The following TWF1 variants were observed in gnomAD, a reference collection of about 807,000 sequenced individuals.
TWF1 encodes twinfilin actin binding protein 1.
A neutral mutation model predicts 47.9 loss-of-function variants in TWF1; 14 were observed. That is an observed-to-expected ratio of 0.29 (90% CI 0.19 to 0.46). TWF1 has a LOEUF of 0.46. Among genes scored for constraint, TWF1 ranks in the 20% least tolerant of loss-of-function variants. The pLI, the probability that TWF1 is intolerant of heterozygous loss-of-function variation, is 1.00. For synonymous variants in TWF1, 96 were observed against 139.2 expected (o/e 0.69, Z 2.18); for missense variants, 281 against 409.3 (o/e 0.69, Z 2.70).
Position 43,797,310 on chromosome 12 carries a change from T to A in TWF1, c.752A>T (p.Glu251Val). 6.3e-7 allele frequency: 1 copy of A among 1,591,778 alleles called. No individual in the cohort carries two copies. The highest frequency in any genetic ancestry group is 8.5e-7 in the Non-Finnish European group (1 of 1,172,024). ...AACAATGTATCATATACCTATGGAC[T>A]CTAAATAGTCTCCTTCATGGGAATG... ...YKHSHEGDYL[E>V]SIVFIYSMPG... is the part of the protein sequence containing the mutation. The change falls in exon 7 of 9, where the codon GAG becomes GTG. Residue 251 changes from glutamate to valine, a missense_variant. Glu to Val is a moderately radical substitution (Grantham distance 121, BLOSUM62 -2). Transcript: ENST00000395510.
At position 43,801,952 on chromosome 12, in the gene TWF1, C is replaced by A. The variant is rs1479849764; in HGVS notation, c.282+334G>T. Among the ~76,000 whole-genome samples the A allele has an allele frequency of 2.0e-5, 3 of 152,144 alleles. No individual in the cohort carries two copies. In the East Asian group the frequency reaches 5.8e-4, roughly 29 times the overall value. ...GGCTGAGGTGGGAAAATCACTTGAG[C>A]CTGGGAGGCAGAGGTTGCAGTGAGC... is the stretch of plus-strand genomic sequence containing the variant. On this transcript the variant is annotated intron_variant, in intron 3 of 8. Transcript: ENST00000395510.
Position 43,795,711 on chromosome 12 carries a change from A to G in TWF1, c.927T>C (p.Tyr309=). The G allele has an allele frequency of 6.2e-7, 1 of 1,613,940 alleles. No individual in the cohort carries two copies. The part of the protein sequence containing the change: ...NGDELTADFL[Y]EEVHPKQHAH... ...CATGCTGCTTGGGATGTACTTCTTC[A>G]TAAAGGAAGTCTGCAGTCAACTCAT... Residue 309 remains tyrosine (Y), a synonymous_variant, in exon 9 of 9, where the codon TAT becomes TAC. Transcript: ENST00000395510.
chr12:43,800,392 C>T lies in TWF1; in HGVS notation c.378+43G>A, dbSNP rs1227877019. 3 of 1,466,054 alleles carry T rather than the reference C, an allele frequency of 2.0e-6. No individual in the cohort carries two copies. The Admixed American group carries it at 5.5e-5, about 27-fold the overall frequency. The allele number at this position is 1,466,054 out of a possible 1,614,324, so 90.8% of individuals were successfully genotyped here. ...CATTACCTAGGAGTTCCTCTTTAAT[C>T]ATTTTAATTGCAACATATAGAATCC... On this transcript the variant is annotated intron_variant, in intron 4 of 8. Transcript: ENST00000395510.
chr12:43,800,067 TC>T (rs937978477), intron 4 of TWF1, among the ~76,000 whole-genome samples: 14 of 152,214 alleles, frequency 9.2e-5, no homozygotes, highest in African/African-American at 3.4e-4. Flanking sequence ...TCCCATCTAG[TC>T]TTGTGCTCTA....
intron 1 of TWF1, chr12:43,805,996 G>T: frequency 1.3e-6 from 2 of 1,533,752 alleles, no homozygotes; most frequent in Non-Finnish European, 1.7e-6. Context: ...CCGAATTTCG[G>T]ATCAATCTGC....
At chr12:43,798,448 G>A (rs775675336) in intron 5 of TWF1, 24 of 925,986 alleles carry the variant, frequency 2.6e-5, no homozygotes, top group African/African-American at 3.4e-5. Context: ...AGTCTCATTC[G>A]CAGTGTTGCA....
At position 43,798,690 on chromosome 12, in the gene TWF1, T is replaced by G. The variant is rs572793411; in HGVS notation, c.483+708A>C. On this transcript the variant is annotated intron_variant, in intron 5 of 8. Transcript: ENST00000395510. ...TGAATTAAAATAATATGATAGATCC[T>G]TGCTACCAGTTTAATATTAAATGAT... 1.6e-5 allele frequency: 19 copies of G among 1,205,952 alleles called. 1 individual carries two copies. The African/African-American group carries it at 2.5e-4, about 16-fold the overall frequency. 74.7% of individuals were successfully genotyped at this position (1,205,952 alleles called of 1,614,324 possible).
intron 2 of TWF1, 62 bp from the exon 3 acceptor site, chr12:43,802,526 TG>T: frequency 8.3e-7 from 1 of 1,207,866 alleles, no homozygotes; most frequent in Non-Finnish European, 1.2e-6. Flanking sequence ...GGTAGTGTGA[TG>T]AAGACTAGAA....
At position 43,794,378 on chromosome 12, in the gene TWF1, A is replaced by C. The variant is rs1448558359; in HGVS notation, c.*1207T>G. 7.2e-5 allele frequency: 11 copies of C among 152,150 alleles called. No homozygotes were observed. Among genetic ancestry groups the C allele is most frequent in the Non-Finnish European group, 1.5e-5 (1 of 67,902 alleles). 9.4% of individuals were successfully genotyped at this position (152,150 alleles called of 1,614,324 possible). A position where few individuals can be genotyped will look rare whatever the true frequency, so the allele number is the denominator to read the frequency against. On this transcript the variant is annotated 3_prime_UTR_variant, in exon 9 of 9. Transcript: ENST00000395510. ...CTGAAAGGTGCATATATTACCTTAG[A>C]TAATAAGGTTTAGAAATGAGTGCTT...
intron 2 of TWF1, chr12:43,804,210 C>A (rs914693404): frequency 2.1e-6 from 1 of 466,770 alleles, no homozygotes; most frequent in Non-Finnish European, 4.2e-6. Flanking sequence ...GATGGAAGCA[C>A]TGACATTAGA....
At chr12:43,796,882 TA>T (rs1942560518) in intron 8 of TWF1, 93 bp downstream of exon 8, 2 of 1,325,072 alleles carry the variant, frequency 1.5e-6, no homozygotes, top group Non-Finnish European at 2.1e-6. Flanking sequence ...GAAAAATAAA[TA>T]TTTTCATTTA....
chr12:43,800,130 A>T (rs1294397536), intron 4 of TWF1, among the ~76,000 whole-genome samples: 1 of 152,144 alleles, frequency 6.6e-6, no homozygotes, highest in Non-Finnish European at 1.5e-5. Context: ...ACAAACAAAA[A>T]AGTTCAAAAA....
intron 1 of TWF1, among the ~76,000 whole-genome samples, chr12:43,804,992 G>A (rs1370361624): frequency 6.6e-6 from 1 of 152,030 alleles, no homozygotes; most frequent in African/African-American, 2.4e-5. Context: ...GTATTTTCCC[G>A]TTAAAAACAA....
At chr12:43,799,355 C>T in intron 5 of TWF1, 43 bp downstream of exon 5, 1 of 1,301,706 alleles carries the variant, frequency 7.7e-7, no homozygotes, top group Non-Finnish European at 1.1e-6. Context: ...ACAGTATTTT[C>T]AAACACTTAA....
At chr12:43,797,269 A>C in intron 7 of TWF1, 33 bp downstream of exon 7, 1 of 1,550,040 alleles carries the variant, frequency 6.5e-7, no homozygotes, top group Non-Finnish European at 8.7e-7. Context: ...AAACAAACTG[A>C]AAGTAATGTG....
At position 43,804,430 on chromosome 12, in the gene TWF1, G is replaced by A. The variant is rs1196743193; in HGVS notation, c.103+65C>T. On this transcript the variant is annotated intron_variant, in intron 2 of 8. Coordinates refer to ENST00000395510, the MANE Select transcript of TWF1 (RefSeq NM_002822.5). ...TAGTTCAAATCACTGACAACACACA[G>A]TAAGTTTAAAAATACAACAGCCACT... The A allele has an allele frequency of 4.0e-6, 4 of 999,522 alleles. No homozygotes were observed. In the Admixed American group the frequency reaches 8.1e-5, roughly 20 times the overall value. 61.9% of individuals were successfully genotyped at this position (999,522 alleles called of 1,614,324 possible). A position where few individuals can be genotyped will look rare whatever the true frequency, so the allele number is the denominator to read the frequency against.
At position 43,806,155 on chromosome 12, in the gene TWF1, A is replaced by AGCCCTCCCG. The variant is rs774118923; in HGVS notation, c.25+57_25+65dup. ...CCGACTCCAGCCCTGCCGGTCCTGC[A>AGCCCTCCCG]GCCCTCCCGGCTCTCCCGGCTCTCC... is the stretch of plus-strand genomic sequence containing the variant. On this transcript the variant is annotated intron_variant, in intron 1 of 8. Transcript: ENST00000395510. 3 of 1,374,794 alleles carry AGCCCTCCCG rather than the reference A, an allele frequency of 2.2e-6. No homozygotes were observed. The African/African-American group carries it at 4.6e-5, about 21-fold the overall frequency. The allele number at this position is 1,374,794 out of a possible 1,614,324, so 85.2% of individuals were successfully genotyped here.
chr12:43,796,967 G>A lies in TWF1; in HGVS notation c.882+9C>T, dbSNP rs1942562872. On this transcript the variant is annotated intron_variant, in intron 8 of 8. Transcript: ENST00000395510. ...GCAAAAACTGAAGATTTTAAAATAG[G>A]TGGGCTACCTTTCTAATTACATCCA... is the stretch of plus-strand genomic sequence containing the variant. 6.2e-7 allele frequency: 1 copy of A among 1,606,720 alleles called. No homozygotes were observed.
At chr12:43,804,155 T>A (rs936513347) in intron 2 of TWF1, 2 of 197,002 alleles carry the variant, frequency 1.0e-5, no homozygotes, top group South Asian at 1.4e-4. Context: ...CAAGTAACTA[T>A]TTTTTTTTTT....
Sources: allele counts gnomAD v4.1 joint callset (sites outside exome capture counted in the v4.1 genomes callset), GRCh38; gene constraint gnomAD v4.1.1; transcripts MANE v1.5; gene names NCBI Gene and HGNC (gene_info 2026-07-23, HGNC 2026-07-21).